The following RUNX1 variants were observed in gnomAD, a reference collection of about 807,000 sequenced individuals.
The protein encoded by RUNX1 is RUNX family transcription factor 1.
RUNX1 carries 19 observed loss-of-function variants against 42.8 expected under a neutral mutation model. The ratio of observed to expected loss-of-function variants is 0.44; its 90% CI spans 0.31 to 0.65. The LOEUF is 0.65. Ranked by LOEUF, RUNX1 falls within the 30% of genes least tolerant of loss-of-function variation. RUNX1 has a pLI of 0.07. For missense variants in RUNX1, 528 were observed against 672.0 expected (o/e 0.79, Z 2.37); for synonymous variants, 271 against 289.4 (o/e 0.94, Z 0.64).
chr21:34,806,561 G>T (rs2056682902), intron 7 of RUNX1, among the ~76,000 whole-genome samples: 1 of 152,142 alleles, frequency 6.6e-6, no homozygotes, highest in Admixed American at 6.5e-5. Flanking sequence ...CCCTCTTTCA[G>T]TAATTGATAC....
intron 3 of RUNX1, among the ~76,000 whole-genome samples, chr21:34,890,227 CCCTG>C (rs2058064471): frequency 6.6e-6 from 1 of 151,948 alleles, no homozygotes; most frequent in Admixed American, 6.6e-5. Context: ...CAGCCGCCCT[CCCTG>C]GACGCCGCGC....
intron 2 of RUNX1, among the ~76,000 whole-genome samples, chr21:35,047,429 C>T (rs2059403908): frequency 6.6e-6 from 1 of 151,870 alleles, no homozygotes; most frequent in African/African-American, 2.4e-5. Flanking sequence ...TAAAGAAGCA[C>T]TTGAAAACTC....
At chr21:34,829,809 G>C (rs778077947) in intron 7 of RUNX1, 3 of 152,168 alleles carry the variant, frequency 2.0e-5, no homozygotes, top group Admixed American at 1.3e-4. Flanking sequence ...GGAAGGAGAG[G>C]GAGAGAGAAA....
chr21:35,049,127 A>G lies in RUNX1; in HGVS notation c.-60+41T>C, dbSNP rs2059421486. ...AATTGTTAAAGATTAAAAAAAAAAA[A>G]AAAGCCAGCGCCGCCTTGGCTGTGG... On this transcript the variant is annotated intron_variant, in intron 1 of 8. Transcript: ENST00000675419. 5.7e-6 allele frequency: 3 copies of G among 529,710 alleles called. No homozygotes were observed. In the African/African-American group the frequency reaches 5.7e-5, roughly 10 times the overall value. 32.8% of individuals were successfully genotyped at this position (529,710 alleles called of 1,614,324 possible).
At chr21:34,980,918 G>GT (rs1399134618) in intron 2 of RUNX1, among the ~76,000 whole-genome samples, 1 of 152,192 alleles carries the variant, frequency 6.6e-6, no homozygotes, top group Non-Finnish European at 1.5e-5. Context: ...ATAGCTTGAG[G>GT]TTACCAAGTG....
chr21:34,811,115 C>T (rs1004198673), intron 7 of RUNX1, among the ~76,000 whole-genome samples: 2 of 152,212 alleles, frequency 1.3e-5, no homozygotes, highest in African/African-American at 4.8e-5. Context: ...TTTTACAAAT[C>T]GAGGATTCAC....
At chr21:34,853,851 C>T (rs1221105159) in intron 6 of RUNX1, among the ~76,000 whole-genome samples, 1 of 143,606 alleles carries the variant, frequency 7.0e-6, no homozygotes, top group Non-Finnish European at 1.5e-5. Flanking sequence ...CTCACTCTGT[C>T]ACCCAGGCTG....
intron 2 of RUNX1, among the ~76,000 whole-genome samples, chr21:34,945,321 T>C (rs2058556401): frequency 6.6e-6 from 1 of 152,260 alleles, no homozygotes; most frequent in African/African-American, 2.4e-5. Flanking sequence ...TCCATTTCTC[T>C]GTGCTTACAA....
At chr21:35,014,399 G>A (rs1312754219) in intron 2 of RUNX1, among the ~76,000 whole-genome samples, 1 of 152,162 alleles carries the variant, frequency 6.6e-6, no homozygotes, top group African/African-American at 2.4e-5. Context: ...ACTTGATTAG[G>A]AATCTGGTGA....
intron 6 of RUNX1, among the ~76,000 whole-genome samples, chr21:34,852,719 A>AG (rs1171820643): frequency 6.6e-6 from 1 of 152,138 alleles, no homozygotes; most frequent in Non-Finnish European, 1.5e-5. Flanking sequence ...TTTAGGTGGG[A>AG]GGGGAGGAAG....
intron 6 of RUNX1, 61 bp downstream of exon 6, chr21:34,859,413 A>G: frequency 2.4e-6 from 3 of 1,229,102 alleles, no homozygotes; most frequent in South Asian, 2.4e-5. Flanking sequence ...GTCCCTGAGT[A>G]TACCAGCCTG....
rs963848133 is a variant in RUNX1, at chr21:34,843,277, G to A, written c.614-8676C>T. Among the ~76,000 whole-genome samples the A allele has an allele frequency of 7.3e-5, 11 of 151,540 alleles. No individual in the cohort carries two copies. The highest frequency in any genetic ancestry group is 1.2e-4 in the African/African-American group (5 of 41,176). ...AATACACACAGACACATGTACATACGTCACACAGACACATATATTAAGACA... is the reference window on the plus strand; with the variant it reads ...AATACACACAGACACATGTACATACATCACACAGACACATATATTAAGACA... On this transcript the variant is annotated intron_variant, in intron 6 of 8. Transcript: ENST00000675419. The surrounding 1 kb of genome is among the most constrained non-coding windows in gnomAD (Gnocchi z 4.8).
chr21:35,006,409 CCT>C (rs1055869438), intron 2 of RUNX1, among the ~76,000 whole-genome samples: 3 of 152,124 alleles, frequency 2.0e-5, no homozygotes, highest in Non-Finnish European at 2.9e-5. Flanking sequence ...TCTCTCTCCC[CCT>C]CTCTCTCTTT....
chr21:35,002,764 A>C (rs1360225806), intron 2 of RUNX1, among the ~76,000 whole-genome samples: 2 of 152,116 alleles, frequency 1.3e-5, no homozygotes, highest in Non-Finnish European at 2.9e-5. Flanking sequence ...TTTAAATACA[A>C]ATTTCACGAG....
chr21:35,010,393 T>A (rs943561719), intron 2 of RUNX1, among the ~76,000 whole-genome samples: 2 of 152,180 alleles, frequency 1.3e-5, no homozygotes, highest in African/African-American at 4.8e-5. Context: ...ATGCAGAGGT[T>A]CAAAGCACCT....
At chr21:34,846,689 C>T (rs2057321929) in intron 6 of RUNX1, among the ~76,000 whole-genome samples, 1 of 152,164 alleles carries the variant, frequency 6.6e-6, no homozygotes, top group South Asian at 2.1e-4. Context: ...GCTCAAGATT[C>T]CTTTTAGAGT....
chr21:34,993,214 T>A (rs1430635424), intron 2 of RUNX1, among the ~76,000 whole-genome samples: 1 of 152,196 alleles, frequency 6.6e-6, no homozygotes, highest in African/African-American at 2.4e-5. Flanking sequence ...AGTTTCCCAA[T>A]CTAATCTATA....
chr21:34,983,897 G>A (rs2058865661), intron 2 of RUNX1, among the ~76,000 whole-genome samples: 1 of 152,194 alleles, frequency 6.6e-6, no homozygotes, highest in African/African-American at 2.4e-5. Context: ...TAGCCCTGCT[G>A]ACTCAGGGGC....
At position 34,907,122 on chromosome 21, in the gene RUNX1, G is replaced by A. The variant is rs571954223; in HGVS notation, c.59-14159C>T. 1.3e-5 allele frequency among the ~76,000 whole-genome samples: 2 copies of A among 152,300 alleles called. No homozygotes were observed. The highest frequency in any genetic ancestry group is 4.1e-4 in the South Asian group (2 of 4,830). On this transcript the variant is annotated intron_variant, in intron 2 of 8. Transcript: ENST00000675419. The surrounding 1 kb of genome is among the most constrained non-coding windows in gnomAD (Gnocchi z 5.3). ...AGGAGGGTCATGTGCCCCCTTCAGT[G>A]AAAACCTTGACTCTAAGGACAGCAC...
Sources: gnomAD v4.1 joint callset for allele counts (sites outside exome capture counted in the v4.1 genomes callset) on GRCh38, gnomAD v4.1.1 for gene constraint, Gnocchi (gnomAD v3.1) non-coding constraint, MANE v1.5 for transcripts, NCBI Gene and HGNC (gene_info 2026-07-23, HGNC 2026-07-21) for gene names.